THAP1: variants seen among roughly 807,000 people sequenced by gnomAD.
THAP1 encodes the protein THAP domain-containing protein 1.
THAP1 carries 6 observed loss-of-function variants against 18.2 expected under a neutral mutation model. That is an observed-to-expected ratio of 0.33 (90% CI 0.18 to 0.65). The LOEUF (loss-of-function observed/expected upper bound fraction) is 0.65. THAP1 is among the 30% of genes least tolerant of loss of function. The pLI is 0.74. For missense variants in THAP1, 176 were observed against 253.0 expected, an observed-to-expected ratio of 0.70 and a Z score of 2.06; for synonymous variants, 85 against 90.5, an observed-to-expected ratio of 0.94 and a Z score of 0.34.
intron 1 of THAP1, among the ~76,000 whole-genome samples, chr8:42,841,237 T>C (rs945487894): frequency 6.6e-6 from 1 of 151,726 alleles, no homozygotes; most frequent in Non-Finnish European, 1.5e-5. Context: ...AGATGCAGGT[T>C]AGCCCTTCTT....
intron 1 of THAP1, among the ~76,000 whole-genome samples, chr8:42,841,509 G>A (rs368981189): frequency 6.6e-6 from 1 of 151,954 alleles, no homozygotes; most frequent in Non-Finnish European, 1.5e-5. Flanking sequence ...GGCTGGTCTC[G>A]AACTCCTGAC....
chr8:42,842,046 A>G (rs1398786588), intron 1 of THAP1, among the ~76,000 whole-genome samples: 1 of 152,258 alleles, frequency 6.6e-6, no homozygotes, highest in Admixed American at 6.5e-5. Context: ...ACCTAATTAT[A>G]AAAGATAATT....
intron 1 of THAP1, among the ~76,000 whole-genome samples, chr8:42,839,663 T>A (rs1802680744): frequency 1.3e-5 from 2 of 152,220 alleles, no homozygotes; most frequent in Admixed American, 1.3e-4. Flanking sequence ...TTCTCCTGCC[T>A]CAGCCTCCCA....
rs1286910108 is a variant in THAP1, at chr8:42,837,133, C to T, written c.*829G>A. 3 of 152,332 alleles carry T rather than the reference C, an allele frequency of 2.0e-5. No individual in the cohort carries two copies. Among genetic ancestry groups the T allele is most frequent in the South Asian group, 2.1e-4 (1 of 4,828 alleles). 9.4% of individuals were successfully genotyped at this position (152,332 alleles called of 1,614,324 possible). On this transcript the variant is annotated 3_prime_UTR_variant, in exon 3 of 3. Transcript: ENST00000254250. The stretch of plus-strand genomic sequence containing the variant: ...AGACTTGAAGGCAGATACATAACTA[C>T]AGCTGGGGAACTGGATGTCCTTCAG...
At chr8:42,839,763 A>T (rs1246977590) in intron 1 of THAP1, among the ~76,000 whole-genome samples, 1 of 152,152 alleles carries the variant, frequency 6.6e-6, no homozygotes, top group African/African-American at 2.4e-5. Flanking sequence ...GCCAGGATGG[A>T]TTCGATTTCT....
In THAP1 at chr8:42,843,032, A is replaced by C; in HGVS notation, c.63T>G (p.Ser21=). Residue 21 remains serine (S), a synonymous_variant, in exon 1 of 3, where the codon TCT becomes TCG. Transcript: ENST00000254250. The stretch of plus-strand genomic sequence containing the variant: ...GCGCGCAGGGTCCTCACTTGTGGAA[A>C]GAAACGGGCTTGTCCTTGTCGTAGC... ...KNRYDKDKPV[S]FHKFPLTRPS... The C allele has an allele frequency of 6.2e-7, 1 of 1,613,574 alleles. No homozygotes were observed. The highest frequency in any genetic ancestry group is 8.5e-7 in the Non-Finnish European group (1 of 1,179,674).
chr8:42,839,118 C>T, intron 2 of THAP1, 68 bp downstream of exon 2: 2 of 1,560,494 alleles, frequency 1.3e-6, no homozygotes, highest in African/African-American at 1.4e-5. Context: ...CAATTTTCCA[C>T]ATTTTAATCA....
intron 1 of THAP1, among the ~76,000 whole-genome samples, chr8:42,839,642 G>A (rs1802680206): frequency 6.6e-6 from 1 of 152,178 alleles, no homozygotes; most frequent in African/African-American, 2.4e-5. Context: ...CCGCCTCCCA[G>A]GTTCAAGCGA....
intron 1 of THAP1, 95 bp downstream of exon 1, chr8:42,842,929 C>T: frequency 9.8e-7 from 1 of 1,022,354 alleles, no homozygotes; most frequent in Non-Finnish European, 1.2e-6. Context: ...ACCCGCCCCT[C>T]GCGCGGACAC....
At chr8:42,841,807 T>C (rs1237518332) in intron 1 of THAP1, among the ~76,000 whole-genome samples, 5 of 152,180 alleles carry the variant, frequency 3.3e-5, no homozygotes, top group Admixed American at 3.3e-4. Context: ...TATTAGGATA[T>C]CCTGAACTGA....
intron 2 of THAP1, among the ~76,000 whole-genome samples, chr8:42,838,953 T>C (rs570414218): frequency 6.6e-6 from 1 of 152,336 alleles, no homozygotes; most frequent in African/African-American, 2.4e-5. Flanking sequence ...AATATATAAC[T>C]GGCAGTACAG....
chr8:42,843,156 T>G lies in THAP1; in HGVS notation c.-62A>C. ...AGAAGGCAGGGGAAGCTGTTCTCAG[T>G]GTCGCTGCGCTCGGTTGGATTCCCT... On this transcript the variant is annotated 5_prime_UTR_variant, in exon 1 of 3. Coordinates refer to ENST00000254250, the MANE Select transcript of THAP1 (RefSeq NM_018105.3). 9 of 1,597,408 alleles carry G rather than the reference T, an allele frequency of 5.6e-6. No homozygotes were observed. In the South Asian group the frequency reaches 9.9e-5, roughly 18 times the overall value.
In THAP1 at chr8:42,843,222, G is replaced by C; in HGVS notation, c.-128C>G. The C allele has an allele frequency of 8.8e-7, 1 of 1,134,904 alleles. No homozygotes were observed. Among genetic ancestry groups the C allele is most frequent in the East Asian group, 2.5e-5 (1 of 40,602 alleles). 70.3% of individuals were successfully genotyped at this position (1,134,904 alleles called of 1,614,324 possible). A position where few individuals can be genotyped will look rare whatever the true frequency, so the allele number is the denominator to read the frequency against. On this transcript the variant is annotated 5_prime_UTR_variant, in exon 1 of 3. Coordinates refer to ENST00000254250, the MANE Select transcript of THAP1 (RefSeq NM_018105.3). The stretch of plus-strand genomic sequence containing the variant: ...TTTGGCCAACAGTTACAGTGATGGT[G>C]GCCTCCCTCGGGGGTGACTAGTGTG...
chr8:42,840,649 T>C (rs751054404), intron 1 of THAP1, among the ~76,000 whole-genome samples: 19 of 152,164 alleles, frequency 1.2e-4, no homozygotes, highest in Admixed American at 2.0e-4. Flanking sequence ...ATGTAGAGGG[T>C]GGGAGAAGTG....
chr8:42,838,037 C>T lies in THAP1; in HGVS notation c.567G>A (p.Glu189=). 6.2e-7 allele frequency: 1 copy of T among 1,613,904 alleles called. No individual in the cohort carries two copies. Among genetic ancestry groups the T allele is most frequent in the Non-Finnish European group, 8.5e-7 (1 of 1,179,982 alleles). Residue 189 remains glutamate (E), a synonymous_variant, in exon 3 of 3, where the codon GAG becomes GAA. Transcript: ENST00000254250. The stretch of plus-strand genomic sequence containing the variant: ...AACCTCTTTCTGATACGTCGTCTTT[C>T]TCTTTCTGGAAGTGAACAACCTCCT... The part of the protein sequence containing the change: ...KLKEVVHFQK[E]KDDVSERGYV...
intron 1 of THAP1, chr8:42,842,464 GAT>G (rs757396150): frequency 6.6e-6 from 1 of 152,144 alleles, no homozygotes; most frequent in Non-Finnish European, 1.5e-5. Flanking sequence ...GTGCTGAAAA[GAT>G]AACGATTTAT....
At chr8:42,839,438 C>A in intron 1 of THAP1, 57 bp from the exon 2 acceptor site, 21 of 1,562,826 alleles carry the variant, frequency 1.3e-5, no homozygotes, top group Non-Finnish European at 1.8e-5. Context: ...AATAAAGGCA[C>A]CCAAACTTTC....
In THAP1 at chr8:42,839,316, T is replaced by G; in HGVS notation, c.137A>C (p.Lys46Thr). The G allele has an allele frequency of 6.2e-7, 1 of 1,614,052 alleles. No homozygotes were observed. The highest frequency in any genetic ancestry group is 2.2e-5 in the East Asian group (1 of 44,858). ...WEAAVRRKNF[K>T]PTKYSSICSE... ...ACAAATACTGCTATACTTGGTGGGT[T>G]TAAAGTTTTTTCTTCTGACAGCTGC... is the stretch of plus-strand genomic sequence containing the variant. The change falls in exon 2 of 3, where the codon AAA (lysine) becomes ACA (threonine). Residue 46 changes from lysine to threonine, a missense_variant. Transcript: ENST00000254250.
rs1802761833 is a variant in THAP1 at position 42,843,218 on chromosome 8, T to C, written c.-124A>G. 3 of 1,200,692 alleles carry C rather than the reference T, an allele frequency of 2.5e-6. No individual in the cohort carries two copies. The highest frequency in any genetic ancestry group is 2.5e-6 in the Non-Finnish European group (2 of 814,440). 74.4% of individuals were successfully genotyped at this position (1,200,692 alleles called of 1,614,324 possible). A position where few individuals can be genotyped will look rare whatever the true frequency, so the allele number is the denominator to read the frequency against. The stretch of plus-strand genomic sequence containing the variant: ...TAGCTTTGGCCAACAGTTACAGTGA[T>C]GGTGGCCTCCCTCGGGGGTGACTAG... On this transcript the variant is annotated 5_prime_UTR_variant, in exon 1 of 3. Coordinates refer to ENST00000254250, the MANE Select transcript of THAP1 (RefSeq NM_018105.3).
Sources: allele counts gnomAD v4.1 joint callset (sites outside exome capture counted in the v4.1 genomes callset), GRCh38; gene constraint gnomAD v4.1.1; transcripts MANE v1.5; gene names NCBI Gene and HGNC (gene_info 2026-07-23, HGNC 2026-07-21).